USP24: variants seen among roughly 807,000 people sequenced by gnomAD.
The protein encoded by USP24 is ubiquitin carboxyl-terminal hydrolase 24.
Under a neutral mutation model 361.6 loss-of-function variants are expected in USP24, and 97 were observed. That is an observed-to-expected ratio of 0.27 (90% confidence interval 0.23 to 0.32). USP24 has a LOEUF of 0.32. Among genes scored for constraint, USP24 ranks in the 10% least tolerant of loss-of-function variants. The pLI is 1.00. For missense variants in USP24, 2,353 were observed against 3,165.6 expected (o/e 0.74, Z 6.16); for synonymous variants, 1,098 against 1,124.6 (o/e 0.98, Z 0.47).
At chr1:55,168,054 G>T (rs142752047) in intron 5 of USP24, among the ~76,000 whole-genome samples, 1,811 of 152,186 alleles carry the variant, frequency 0.012, 40 homozygotes, top group African/African-American at 0.042. Flanking sequence ...GAAAGGAAGC[G>T]CTGAAGATCA....
At position 55,172,495 on chromosome 1, in the gene USP24, T is replaced by G; in HGVS notation, c.584A>C (p.Lys195Thr). ...KKLLTSSAVH[K>T]WGTEIHEGIY... Reference sequence around the variant, plus strand: ...TCCTTCATGAATTTCAGTACCCCACTTGTGAACAGCACTTGATGTCAGGAG... The same window carrying G: ...TCCTTCATGAATTTCAGTACCCCACGTGTGAACAGCACTTGATGTCAGGAG... Residue 195 changes from lysine to threonine, a missense_variant, in exon 4 of 68, where the codon AAG becomes ACG. Lys to Thr is a moderately conservative substitution (Grantham distance 78). Around this residue, in one of 8 missense-constraint regions of USP24, gnomAD observed 386 missense variants for 560.5 expected, o/e 0.69. Transcript: ENST00000294383. The G allele has an allele frequency of 1.9e-6, 3 of 1,613,254 alleles. No individual in the cohort carries two copies. Among genetic ancestry groups the G allele is most frequent in the Non-Finnish European group, 2.5e-6 (3 of 1,179,538 alleles).
intron 62 of USP24, among the ~76,000 whole-genome samples, chr1:55,076,517 C>A (rs1645034411): frequency 6.6e-6 from 1 of 152,168 alleles, no homozygotes; most frequent in South Asian, 2.1e-4. Context: ...CTCTAAGGAA[C>A]CTCTGAACCA....
chr1:55,108,666 C>T (rs1419798456), intron 39 of USP24, among the ~76,000 whole-genome samples: 1 of 152,156 alleles, frequency 6.6e-6, no homozygotes, highest in Non-Finnish European at 1.5e-5. Flanking sequence ...GATCCTGGGT[C>T]CCTCATTTAT....
Position 55,131,064 on chromosome 1 carries a change from T to C in USP24, c.3537+1481A>G, listed in dbSNP as rs147103479. Among the ~76,000 whole-genome samples the C allele has an allele frequency of 1.7e-3, 259 of 152,338 alleles. 1 individual carries two copies. The highest frequency in any genetic ancestry group is 6.0e-3 in the African/African-American group (249 of 41,578). ...AGACCCATTGTTGGACCATTCTGTTTTTCTATTAAATATAGGTGTTTAAAA... is the reference window on the plus strand; with the variant it reads ...AGACCCATTGTTGGACCATTCTGTTCTTCTATTAAATATAGGTGTTTAAAA... On this transcript the variant is annotated intron_variant, in intron 31 of 67. Coordinates refer to ENST00000294383, the MANE Select transcript of USP24 (RefSeq NM_015306.3).
chr1:55,196,515 G>GC (rs965003849), intron 1 of USP24, among the ~76,000 whole-genome samples: 23 of 151,360 alleles, frequency 1.5e-4, no homozygotes, highest in African/African-American at 3.4e-4. Context: ...ACCAATTTCC[G>GC]CCCCCCCAAT....
intron 63 of USP24, among the ~76,000 whole-genome samples, chr1:55,074,210 T>C (rs1354940633): frequency 6.6e-6 from 1 of 152,148 alleles, no homozygotes; most frequent in East Asian, 1.9e-4. Context: ...TACTGCCTGA[T>C]TATTCACCTA....
At chr1:55,074,719 TTA>T (rs1465087382) in intron 63 of USP24, among the ~76,000 whole-genome samples, 1 of 151,880 alleles carries the variant, frequency 6.6e-6, no homozygotes, top group Non-Finnish European at 1.5e-5. Flanking sequence ...CTTGAGGAGT[TTA>T]TAGTTTTTAA....
intron 25 of USP24, 98 bp from the exon 26 acceptor site, chr1:55,138,816 T>G: frequency 7.5e-7 from 1 of 1,326,330 alleles, no homozygotes. Context: ...GATGCTTTTT[T>G]AAGAAAAGAG....
At chr1:55,214,708 A>C in intron 1 of USP24, 82 bp downstream of exon 1, 2 of 1,080,240 alleles carry the variant, frequency 1.9e-6, no homozygotes, top group Non-Finnish European at 2.3e-6. Context: ...CTCTCCCCAC[A>C]CCAAGCCCAG....
intron 42 of USP24, among the ~76,000 whole-genome samples, chr1:55,103,248 G>C (rs1443997272): frequency 6.6e-6 from 1 of 152,054 alleles, no homozygotes; most frequent in Non-Finnish European, 1.5e-5. Flanking sequence ...AGTTTTTATG[G>C]CCCTATTTTA....
intron 43 of USP24, 67 bp from the exon 44 acceptor site, chr1:55,101,031 G>C: frequency 6.6e-7 from 1 of 1,510,782 alleles, no homozygotes; most frequent in Non-Finnish European, 8.9e-7. Context: ...TCTGACATAT[G>C]TACATGTTAG....
At chr1:55,170,363 C>G (rs1438745644) in intron 5 of USP24, among the ~76,000 whole-genome samples, 2 of 152,236 alleles carry the variant, frequency 1.3e-5, no homozygotes, top group Middle Eastern at 3.4e-3. Context: ...AGAGAATGAA[C>G]ATCTGCTGAG....
chr1:55,122,898 C>T (rs1646323769), intron 36 of USP24, among the ~76,000 whole-genome samples: 2 of 151,942 alleles, frequency 1.3e-5, no homozygotes, highest in Admixed American at 1.3e-4. Flanking sequence ...GGCCATAGAC[C>T]CAAATTTAGG....
At chr1:55,123,771 A>G (rs1210298522) in intron 35 of USP24, among the ~76,000 whole-genome samples, 169 bp from the exon 36 acceptor site, 1 of 152,218 alleles carries the variant, frequency 6.6e-6, no homozygotes, top group Non-Finnish European at 1.5e-5. Context: ...CACTCTCACT[A>G]CTTTTTCTTT....
intron 3 of USP24, among the ~76,000 whole-genome samples, chr1:55,175,372 G>A (rs901517560): frequency 6.6e-6 from 1 of 151,730 alleles, no homozygotes; most frequent in South Asian, 2.1e-4. Flanking sequence ...GATTATAGGT[G>A]CCCACCACCA....
chr1:55,139,065 C>T, intron 24 of USP24, 55 bp from the exon 25 acceptor site: 1 of 1,475,852 alleles, frequency 6.8e-7, no homozygotes, highest in Non-Finnish European at 9.3e-7. Context: ...ATGATCTGAG[C>T]TCAGTTCTAG....
At chr1:55,208,856 A>C (rs113929247) in intron 1 of USP24, among the ~76,000 whole-genome samples, 2,127 of 152,144 alleles carry the variant, frequency 0.014, 56 homozygotes, top group African/African-American at 0.048. Context: ...GAATCGCTTG[A>C]AACTGGAAGG....
Position 55,171,738 on chromosome 1 carries a change from A to G in USP24, c.703-60T>C, listed in dbSNP as rs1450028962. ...TATTTCTATAGCAACACATATTAGC[A>G]TTAGAAAAGAAGATAAAAATATAGC... On this transcript the variant is annotated intron_variant, in intron 4 of 67. Coordinates refer to ENST00000294383, the MANE Select transcript of USP24 (RefSeq NM_015306.3). 2.0e-6 allele frequency: 3 copies of G among 1,518,346 alleles called. No individual in the cohort carries two copies. In the African/African-American group the frequency reaches 4.2e-5, roughly 21 times the overall value. The allele number at this position is 1,518,346 out of a possible 1,614,324, so 94.1% of individuals were successfully genotyped here. A position where few individuals can be genotyped will look rare whatever the true frequency, so the allele number is the denominator to read the frequency against.
intron 8 of USP24, among the ~76,000 whole-genome samples, chr1:55,159,961 G>T (rs934748161): frequency 8.5e-5 from 13 of 152,118 alleles, no homozygotes; most frequent in Admixed American, 7.9e-4. Context: ...AAGACACACA[G>T]TCTAACTTTT....
Sources: gnomAD v4.1 joint callset for allele counts (sites outside exome capture counted in the v4.1 genomes callset) on GRCh38, gnomAD v4.1.1 for gene constraint, gnomAD v4.1.1 regional missense constraint, MANE v1.5 for transcripts, NCBI Gene and HGNC (gene_info 2026-07-23, HGNC 2026-07-21) for gene names.